Variants in PHIP observed in about 807,000 individuals in gnomAD.
PHIP encodes PHIP subunit of CUL4-Ring ligase complex, also known as PH-interacting protein.
In PHIP, 54 loss-of-function variants were observed where a neutral mutation model predicts 236.8. The ratio of observed to expected loss-of-function variants is 0.23; its 90% CI spans 0.18 to 0.29. The LOEUF (loss-of-function observed/expected upper bound fraction) is 0.29. PHIP is among the 10% of genes least tolerant of loss of function. The pLI is 1.00. For missense variants in PHIP, 1,370 were observed against 2,190.8 expected (o/e 0.63, Z 7.48); for synonymous variants, 756 against 718.9 (o/e 1.05, Z -0.83).
In PHIP at chr6:78,945,995, TCTTA is replaced by T. The variant is rs2127682146; in HGVS notation, c.4630+2_4630+5del. ...TATACATTTCAATTTAGAAAGTGAG[TCTTA>T]CTTGTTTTCCCTGGTATTGCAGATG... is the stretch of plus-strand genomic sequence containing the variant. On this transcript the variant is annotated splice_donor_variant and splice_donor_5th_base_variant and intron_variant, in intron 38 of 39. Transcript: ENST00000275034. LOFTEE classifies it high-confidence loss of function. 5 of 1,593,572 alleles carry T rather than the reference TCTTA, an allele frequency of 3.1e-6. No homozygotes were observed. The highest frequency in any genetic ancestry group is 4.3e-6 in the Non-Finnish European group (5 of 1,162,290).
At chr6:79,059,091 C>T (rs1215034646) in intron 6 of PHIP, among the ~76,000 whole-genome samples, 1 of 151,856 alleles carries the variant, frequency 6.6e-6, no homozygotes, top group East Asian at 1.9e-4. Flanking sequence ...TAGATGATTA[C>T]CCACCACGCA....
Position 79,077,682 on chromosome 6 carries a change from GGCC to G in PHIP, c.129+15_129+17del, listed in dbSNP as rs1309981844. ...GGCCGCGCGGCGGCGGGACGCGCCGGGCCGCCGCCGCCCTTACCTCCTTCTCGG... is the reference window on the plus strand; with the variant it reads ...GGCCGCGCGGCGGCGGGACGCGCCGGGCCGCCGCCCTTACCTCCTTCTCGG... On this transcript the variant is annotated intron_variant, in intron 3 of 39. Transcript: ENST00000275034. 1.2e-5 allele frequency: 12 copies of G among 984,016 alleles called. No individual in the cohort carries two copies. Among genetic ancestry groups the G allele is most frequent in the Non-Finnish European group, 1.2e-5 (10 of 831,592 alleles). The allele number at this position is 984,016 out of a possible 1,614,324, so 61.0% of individuals were successfully genotyped here.
In PHIP at chr6:78,939,076, TA is replaced by T. The variant is rs1773373635; in HGVS notation, c.*1616del. ...AGTCCTCAGAAAATACTACATTCTT[TA>T]AATTTTTAAAAAAATGGACAGTAAT... On this transcript the variant is annotated 3_prime_UTR_variant, in exon 40 of 40. Coordinates refer to ENST00000275034, the MANE Select transcript of PHIP (RefSeq NM_017934.7). 2 of 151,720 alleles carry T rather than the reference TA, an allele frequency of 1.3e-5. No individual in the cohort carries two copies. Among genetic ancestry groups the T allele is most frequent in the Admixed American group, 1.3e-4 (2 of 15,230 alleles). The allele number at this position is 151,720 out of a possible 1,614,324, so 9.4% of individuals were successfully genotyped here.
intron 6 of PHIP, among the ~76,000 whole-genome samples, chr6:79,054,955 T>TA (rs1772998180): frequency 1.3e-5 from 2 of 151,778 alleles, no homozygotes; most frequent in African/African-American, 4.8e-5. Context: ...TTTTTTTTTT[T>TA]TAAATGCAAA....
chr6:79,025,920 T>C (rs2127748371), intron 8 of PHIP, 23 bp downstream of exon 8: 2 of 1,438,834 alleles, frequency 1.4e-6, no homozygotes. Context: ...ACAACAACAA[T>C]GTATAGGGAT....
intron 27 of PHIP, among the ~76,000 whole-genome samples, chr6:78,969,332 G>A (rs1767367733): frequency 6.6e-6 from 1 of 152,166 alleles, no homozygotes. Flanking sequence ...AAATTTTTAA[G>A]AGAACTACTC....
chr6:78,981,982 A>G (rs1358478590), intron 23 of PHIP, among the ~76,000 whole-genome samples: 1 of 152,036 alleles, frequency 6.6e-6, no homozygotes, highest in Non-Finnish European at 1.5e-5. Flanking sequence ...AATGTAGATA[A>G]AATAAACACT....
intron 7 of PHIP, among the ~76,000 whole-genome samples, chr6:79,026,755 G>C (rs1393909263): frequency 6.6e-6 from 1 of 151,794 alleles, no homozygotes; most frequent in African/African-American, 2.4e-5. Flanking sequence ...AGGATATGGA[G>C]TTTCCTATGA....
chr6:79,051,711 G>A (rs1772803297), intron 6 of PHIP, among the ~76,000 whole-genome samples: 1 of 152,058 alleles, frequency 6.6e-6, no homozygotes, highest in Admixed American at 6.6e-5. Context: ...ACTACATTAA[G>A]AGCACTAATA....
chr6:79,006,344 A>G (rs1454057421), intron 15 of PHIP, among the ~76,000 whole-genome samples: 1 of 152,016 alleles, frequency 6.6e-6, no homozygotes, highest in African/African-American at 2.4e-5. Flanking sequence ...ACAGGAAAAT[A>G]TTTTACTTTC....
chr6:79,069,012 TCA>T (rs1310307170), intron 4 of PHIP, among the ~76,000 whole-genome samples: 1 of 151,992 alleles, frequency 6.6e-6, no homozygotes, highest in East Asian at 1.9e-4. Flanking sequence ...ATCTATTCTC[TCA>T]CAGTTTTGTC....
At chr6:78,943,270 T>C (rs1773598804) in intron 39 of PHIP, among the ~76,000 whole-genome samples, 1 of 152,180 alleles carries the variant, frequency 6.6e-6, no homozygotes, top group African/African-American at 2.4e-5. Flanking sequence ...TAAAACACTG[T>C]TAATGTTAAC....
intron 35 of PHIP, 130 bp downstream of exon 35, chr6:78,954,672 GTAGCCAAATGGA>G: frequency 1.8e-6 from 1 of 562,342 alleles, no homozygotes; most frequent in South Asian, 2.8e-5. Flanking sequence ...GATTCTCTAT[GTAGCCAAATGGA>G]TAATGAGAAC....
At chr6:79,046,755 A>C (rs757501349) in intron 6 of PHIP, among the ~76,000 whole-genome samples, 15 of 152,114 alleles carry the variant, frequency 9.9e-5, no homozygotes, top group Non-Finnish European at 2.1e-4. Flanking sequence ...AGGTGCCTGT[A>C]ATCCCAGCTA....
chr6:79,055,964 C>T (rs1165484366), intron 6 of PHIP, among the ~76,000 whole-genome samples: 1 of 152,150 alleles, frequency 6.6e-6, no homozygotes, highest in Non-Finnish European at 1.5e-5. Context: ...AACCTTCATT[C>T]CATTTTTGTA....
chr6:78,995,710 T>A (rs192673794), intron 19 of PHIP, among the ~76,000 whole-genome samples: 3 of 152,216 alleles, frequency 2.0e-5, no homozygotes, highest in African/African-American at 7.2e-5. Flanking sequence ...CATTCTCCGG[T>A]TGGATTCTGT....
rs565652317 is a variant in PHIP, at chr6:79,073,590, G to T, written c.189+3858C>A. 4.0e-5 allele frequency among the ~76,000 whole-genome samples: 6 copies of T among 150,750 alleles called. No individual in the cohort carries two copies. The South Asian group carries it at 1.3e-3, about 32-fold the overall frequency. On this transcript the variant is annotated intron_variant, in intron 4 of 39. Coordinates refer to ENST00000275034, the MANE Select transcript of PHIP (RefSeq NM_017934.7). ...TATCTTTTTTTTTTCCCTGAAAGTT[G>T]TCTCTAGGTTTTATACCTTAACTTT...
intron 7 of PHIP, among the ~76,000 whole-genome samples, chr6:79,027,231 G>A (rs1444116348): frequency 1.3e-5 from 2 of 152,116 alleles, no homozygotes; most frequent in Non-Finnish European, 2.9e-5. Context: ...AACAGAGTAT[G>A]TTAAATGCTG....
intron 18 of PHIP, 94 bp from the exon 19 acceptor site, chr6:78,997,691 G>A (rs553480440): frequency 3.1e-6 from 3 of 983,516 alleles, no homozygotes; most frequent in Admixed American, 2.8e-5. Flanking sequence ...TCTTCCATAA[G>A]AAACTTCATA....
Sources: gnomAD v4.1 joint callset for allele counts (sites outside exome capture counted in the v4.1 genomes callset) on GRCh38, gnomAD v4.1.1 for gene constraint, MANE v1.5 for transcripts, NCBI Gene and HGNC (gene_info 2026-07-23, HGNC 2026-07-21) for gene names.